The following BOD1L1 variants were observed in gnomAD, a reference collection of about 807,000 sequenced individuals.
BOD1L1 encodes the protein biorientation of chromosomes in cell division protein 1-like 1.
Under a neutral mutation model 240.7 loss-of-function variants are expected in BOD1L1, and 86 were observed. The ratio of observed to expected loss-of-function variants is 0.36; its 90% CI spans 0.30 to 0.43. The LOEUF is 0.43. Among genes scored for constraint, BOD1L1 ranks in the 20% least tolerant of loss-of-function variants. BOD1L1 has a pLI of 1.00. For missense variants in BOD1L1, 3,554 were observed against 3,643.5 expected (o/e 0.98, Z 0.63); for synonymous variants, 1,268 against 1,272.3 (o/e 1.00, Z 0.07).
intron 5 of BOD1L1, among the ~76,000 whole-genome samples, chr4:13,611,946 C>T (rs745593353): frequency 6.2e-4 from 95 of 152,150 alleles, no homozygotes; most frequent in Admixed American, 1.5e-3. Flanking sequence ...CTTAAAATAG[C>T]CATCTTCTTC....
At chr4:13,611,910 A>G (rs948250946) in intron 5 of BOD1L1, among the ~76,000 whole-genome samples, 6 of 152,224 alleles carry the variant, frequency 3.9e-5, no homozygotes, top group Admixed American at 3.9e-4. Flanking sequence ...AAAAGTAAAC[A>G]AGGTTTTCAC....
chr4:13,583,128 A>G (rs1204130396), intron 17 of BOD1L1, among the ~76,000 whole-genome samples: 1 of 152,162 alleles, frequency 6.6e-6, no homozygotes, highest in Non-Finnish European at 1.5e-5. Context: ...GGAAGCAATA[A>G]TTTGGGAGGT....
chr4:13,621,105 G>A (rs932864241), intron 1 of BOD1L1, among the ~76,000 whole-genome samples: 21 of 152,192 alleles, frequency 1.4e-4, no homozygotes, highest in Non-Finnish European at 4.4e-5. Flanking sequence ...CCCTTGATGT[G>A]CTCCCTGAGG....
At chr4:13,596,644 C>G (rs1483688514) in intron 11 of BOD1L1, among the ~76,000 whole-genome samples, 1 of 151,262 alleles carries the variant, frequency 6.6e-6, no homozygotes. Context: ...AAATTTTAAG[C>G]AGAGCAATGA....
intron 11 of BOD1L1, among the ~76,000 whole-genome samples, chr4:13,596,507 T>C (rs1426485042): frequency 6.6e-6 from 1 of 151,780 alleles, no homozygotes; most frequent in Non-Finnish European, 1.5e-5. Flanking sequence ...TTTTGTCACA[T>C]ATACTTGGAT....
intron 14 of BOD1L1, among the ~76,000 whole-genome samples, chr4:13,589,683 T>C (rs896709459): frequency 3.9e-5 from 6 of 152,196 alleles, no homozygotes; most frequent in Non-Finnish European, 8.8e-5. Context: ...TAAATGGGGA[T>C]TCCACCATAA....
chr4:13,605,146 A>T, intron 9 of BOD1L1, 62 bp from the exon 10 acceptor site: 3 of 1,330,534 alleles, frequency 2.3e-6, no homozygotes, highest in Middle Eastern at 1.9e-4. Context: ...ATTAAAACAT[A>T]ACATTTGGGT....
In BOD1L1 at chr4:13,601,627, G is replaced by A. The variant is rs1388452441; in HGVS notation, c.5273C>T (p.Ala1758Val). 6.2e-7 allele frequency: 1 copy of A among 1,613,966 alleles called. No individual in the cohort carries two copies. The highest frequency in any genetic ancestry group is 1.7e-5 in the Admixed American group (1 of 60,024). The stretch of plus-strand genomic sequence containing the variant: ...ATCATTATCTCCCAGGACAACACCT[G>A]CACCTGTAACCATGCGTTCCTCCCG... ...GPREERMVTGAGVVLGDNDAP... is the reference protein window; with the variant it reads ...GPREERMVTGVGVVLGDNDAP... The change falls in exon 10 of 26, where the codon GCA (alanine) becomes GTA (valine). Residue 1758 changes from alanine (A) to valine (V), a missense_variant. Ala to Val is a moderately conservative substitution (Grantham distance 64). Coordinates refer to ENST00000040738, the MANE Select transcript of BOD1L1 (RefSeq NM_148894.3).
Position 13,602,623 on chromosome 4 carries a change from A to T in BOD1L1, c.4277T>A (p.Ile1426Asn). 6.2e-7 allele frequency: 1 copy of T among 1,613,930 alleles called. No homozygotes were observed. The highest frequency in any genetic ancestry group is 8.5e-7 in the Non-Finnish European group (1 of 1,179,880). The change falls in exon 10 of 26, where the codon ATT becomes AAT. Residue 1426 changes from isoleucine (I) to asparagine (N), a missense_variant. This residue lies in a region of BOD1L1 where 3,393 missense variants were observed against 3,427.1 expected (regional missense o/e 0.99). Coordinates refer to ENST00000040738, the MANE Select transcript of BOD1L1 (RefSeq NM_148894.3). ...LNAEPNLKQT[I>N]KATVENGKKD... ...CTTGCCATTCTCTACTGTTGCTTTA[A>T]TTGTCTGCTTTAAATTGGGCTCTGC...
intron 6 of BOD1L1, among the ~76,000 whole-genome samples, chr4:13,609,739 A>G (rs1716009791): frequency 6.6e-6 from 1 of 152,224 alleles, no homozygotes; most frequent in Non-Finnish European, 1.5e-5. Context: ...TTAAAATGAT[A>G]GCTGTGAAAA....
At chr4:13,608,725 T>C (rs1715925300) in intron 7 of BOD1L1, 57 bp from the exon 8 acceptor site, 1 of 1,326,512 alleles carries the variant, frequency 7.5e-7, no homozygotes, top group Non-Finnish European at 9.8e-7. Context: ...AACAATGTAA[T>C]ATTAATTTTT....
Position 13,600,850 on chromosome 4 carries a change from G to A in BOD1L1, c.6050C>T (p.Pro2017Leu). Residue 2017 changes from proline to leucine, a missense_variant, in exon 10 of 26, where the codon CCA (proline) becomes CTA (leucine). Around this residue, in one of 2 missense-constraint regions of BOD1L1, gnomAD observed 3,393 missense variants for 3,427.1 expected, o/e 0.99. Coordinates refer to ENST00000040738, the MANE Select transcript of BOD1L1 (RefSeq NM_148894.3). ...SYDVLVSGEVPECEVAHTSPS... is the reference protein window; with the variant it reads ...SYDVLVSGEVLECEVAHTSPS... Reference sequence around the variant, plus strand: ...TGATGTGTGAGCAACTTCACATTCTGGGACTTCACCAGATACAAGAACATC... The same window carrying A: ...TGATGTGTGAGCAACTTCACATTCTAGGACTTCACCAGATACAAGAACATC... 1 of 1,613,764 alleles carries A rather than the reference G, an allele frequency of 6.2e-7. No homozygotes were observed. Among genetic ancestry groups the A allele is most frequent in the Non-Finnish European group, 8.5e-7 (1 of 1,179,786 alleles).
chr4:13,603,432 T>C lies in BOD1L1; in HGVS notation c.3468A>G (p.Gln1156=), dbSNP rs751818097. ...CCTTTTGAACAGTGGCAGAAGTTTT[T>C]TGTTTCATATTTTCAGAGTCAATGT... ...QQDIDSENMK[Q]KTSATVQKDE... The change falls in exon 10 of 26, where the codon CAA becomes CAG. Residue 1156 remains glutamine (Q), a synonymous_variant. Transcript: ENST00000040738. 6.2e-7 allele frequency: 1 copy of C among 1,613,504 alleles called. No homozygotes were observed. Among genetic ancestry groups the C allele is most frequent in the South Asian group, 1.1e-5 (1 of 90,982 alleles).
chr4:13,577,136 C>A (rs542740697), intron 24 of BOD1L1, 145 bp from the exon 25 acceptor site: 25 of 999,744 alleles, frequency 2.5e-5, no homozygotes, highest in Middle Eastern at 6.3e-4. Flanking sequence ...TCAGCACTTG[C>A]AATTCACAAC....
Position 13,608,537 on chromosome 4 carries a change from CT to C in BOD1L1, c.1734del (p.Asp579IlefsTer40), listed in dbSNP as rs1258278458. ...KKVALSKKRK[K>X]DSRNVEENSK... The stretch of plus-strand genomic sequence containing the variant: ...ACCAGATAAAATATGTACCTTGAAT[CT>C]TTTTTTCTCTTTTTGCTTAAGGCTA... On this transcript the variant is annotated frameshift_variant, in exon 8 of 26. Transcript: ENST00000040738. LOFTEE classifies it high-confidence loss of function. The C allele has an allele frequency of 2.0e-6, 3 of 1,534,612 alleles. No individual in the cohort carries two copies. The highest frequency in any genetic ancestry group is 2.3e-5 in the Admixed American group (1 of 43,608).
At position 13,582,260 on chromosome 4, in the gene BOD1L1, C is replaced by A. The variant is rs750241713; in HGVS notation, c.8569G>T (p.Asp2857Tyr). The A allele has an allele frequency of 6.2e-7, 1 of 1,613,510 alleles. No individual in the cohort carries two copies. The highest frequency in any genetic ancestry group is 8.5e-7 in the Non-Finnish European group (1 of 1,179,652). The change falls in exon 19 of 26, where the codon GAT (aspartate) becomes TAT (tyrosine). Residue 2857 changes from aspartate (D) to tyrosine (Y), a missense_variant. Asp to Tyr is a radical substitution (Grantham distance 160). Transcript: ENST00000040738. ...TTGEKPEQND[D>Y]DTIKSQEEDQ... is the part of the protein sequence containing the mutation. The stretch of plus-strand genomic sequence containing the variant: ...ACCTCCTGAGATTTTATGGTGTCAT[C>A]ATCGTTCTGCTCTGGCTTTTCACCA...
Position 13,599,737 on chromosome 4 carries a change from C to G in BOD1L1, c.7163G>C (p.Gly2388Ala). 6.2e-7 allele frequency: 1 copy of G among 1,613,822 alleles called. No homozygotes were observed. The highest frequency in any genetic ancestry group is 8.5e-7 in the Non-Finnish European group (1 of 1,179,844). ...LIAENNCRCP[G>A]PVRGGKEPGP... Reference sequence around the variant, plus strand: ...CGGTTCTTTGCCTCCCCTGACTGGCCCAGGACACCGACAGTTATTCTCAGC... The same window carrying G: ...CGGTTCTTTGCCTCCCCTGACTGGCGCAGGACACCGACAGTTATTCTCAGC... Residue 2388 changes from glycine to alanine, a missense_variant, in exon 10 of 26, where the codon GGG becomes GCG. Physicochemically the swap from Gly to Ala is moderately conservative, Grantham distance 60. Around this residue, in one of 2 missense-constraint regions of BOD1L1, gnomAD observed 3,393 missense variants for 3,427.1 expected, o/e 0.99. Coordinates refer to ENST00000040738, the MANE Select transcript of BOD1L1 (RefSeq NM_148894.3).
intron 25 of BOD1L1, among the ~76,000 whole-genome samples, chr4:13,570,584 C>A (rs1269911135): frequency 6.6e-6 from 1 of 152,178 alleles, no homozygotes; most frequent in East Asian, 1.9e-4. Flanking sequence ...ACAGAAAATA[C>A]CTGTGTTAGA....
chr4:13,616,599 C>T (rs530718075), intron 2 of BOD1L1, among the ~76,000 whole-genome samples: 2 of 152,166 alleles, frequency 1.3e-5, no homozygotes, highest in African/African-American at 2.4e-5. Flanking sequence ...TCAAAGTGCT[C>T]GTCATTTTTA....
Sources: allele counts gnomAD v4.1 joint callset (sites outside exome capture counted in the v4.1 genomes callset), GRCh38; gene constraint gnomAD v4.1.1; regional missense constraint gnomAD v4.1.1; transcripts MANE v1.5; gene names NCBI Gene and HGNC (gene_info 2026-07-23, HGNC 2026-07-21).